KCNQ2: variants seen among roughly 807,000 people sequenced by gnomAD.
KCNQ2 encodes the protein potassium voltage-gated channel subfamily Q member 2, also known as potassium voltage-gated channel subfamily KQT member 2.
Under a neutral mutation model 84.8 loss-of-function variants are expected in KCNQ2, and 14 were observed. That is an observed-to-expected ratio of 0.17 (90% CI 0.11 to 0.26). The LOEUF is 0.26. Ranked by LOEUF, KCNQ2 falls within the 10% of genes least tolerant of loss-of-function variation. KCNQ2 has a pLI of 1.00. For missense variants in KCNQ2, 788 were observed against 1,254.0 expected, an observed-to-expected ratio of 0.63 and a Z score of 5.61; for synonymous variants, 599 against 554.1, an observed-to-expected ratio of 1.08 and a Z score of -1.14.
intron 1 of KCNQ2, among the ~76,000 whole-genome samples, chr20:63,456,409 C>A (rs2081798675): frequency 1.3e-5 from 2 of 152,176 alleles, no homozygotes; most frequent in South Asian, 2.1e-4. Flanking sequence ...TCCAGTCAGG[C>A]CCCTTCCCCA....
At chr20:63,415,257 C>CCAGCCA in intron 12 of KCNQ2, 131 bp from the exon 13 acceptor site, 1 of 851,892 alleles carries the variant, frequency 1.2e-6, no homozygotes, top group Non-Finnish European at 1.9e-6. Context: ...TGAAGAACAG[C>CCAGCCA]CAGCCACACG....
Position 63,446,479 on chromosome 20 carries a change from G to T in KCNQ2, c.387+268C>A. Among the ~76,000 whole-genome samples, 1 of 152,192 alleles carries T rather than the reference G, an allele frequency of 6.6e-6. No homozygotes were observed. Among genetic ancestry groups the T allele is most frequent in the Non-Finnish European group, 1.5e-5 (1 of 68,028 alleles). On this transcript the variant is annotated intron_variant, in intron 2 of 16. Transcript: ENST00000359125. This position sits in a 1 kb window ranked among gnomAD's most constrained non-coding sequence, Gnocchi z 5.5. ...GGGAAAGGGAGGGTGGCCCACCCAG[G>T]GTGGGGGCGATGGAGGCGGGGCTGT... is the stretch of plus-strand genomic sequence containing the variant.
chr20:63,431,193 G>A, intron 9 of KCNQ2, 147 bp downstream of exon 9: 2 of 945,340 alleles, frequency 2.1e-6, no homozygotes, highest in South Asian at 1.3e-5. Context: ...GCAGGGCAGG[G>A]GGCATAGGGA....
intron 1 of KCNQ2, chr20:63,447,265 G>C (rs919194694): frequency 4.2e-6 from 1 of 239,048 alleles, no homozygotes; most frequent in South Asian, 5.6e-5. Flanking sequence ...AGAAGGCACC[G>C]ATCAGCCTTC....
intron 15 of KCNQ2, chr20:63,411,650 C>T: frequency 2.0e-6 from 1 of 489,386 alleles, no homozygotes; most frequent in South Asian, 4.1e-5. Context: ...TTTTCAGGAA[C>T]AGAGAAAACC....
At position 63,472,524 on chromosome 20, in the gene KCNQ2, G is replaced by T; in HGVS notation, c.-61C>A. ...GCTCAGCGGGGGCGGAGCGCGGGGG[G>T]CGGCGCGGGCCCCAGCCCAGGCCCC... On this transcript the variant is annotated 5_prime_UTR_variant, in exon 1 of 17. Transcript: ENST00000359125. 7.5e-7 allele frequency: 1 copy of T among 1,326,596 alleles called. No individual in the cohort carries two copies. Among genetic ancestry groups the T allele is most frequent in the South Asian group, 1.9e-5 (1 of 51,544 alleles). The allele number at this position is 1,326,596 out of a possible 1,614,324, so 82.2% of individuals were successfully genotyped here. A position where few individuals can be genotyped will look rare whatever the true frequency, so the allele number is the denominator to read the frequency against.
At chr20:63,465,904 G>A (rs573220093) in intron 1 of KCNQ2, among the ~76,000 whole-genome samples, 19 of 152,324 alleles carry the variant, frequency 1.2e-4, no homozygotes, top group Non-Finnish European at 2.4e-4. Context: ...ATGGCTGGGC[G>A]CGTGTCGGTG....
chr20:63,455,059 A>G (rs1026781706), intron 1 of KCNQ2, among the ~76,000 whole-genome samples: 1 of 152,200 alleles, frequency 6.6e-6, no homozygotes, highest in South Asian at 2.1e-4. Flanking sequence ...CCAAGTCTGC[A>G]GGAAAAGAAA....
At position 63,415,083 on chromosome 20, in the gene KCNQ2, C is replaced by T. The variant is rs760615083; in HGVS notation, c.1345G>A (p.Gly449Ser). The stretch of plus-strand genomic sequence containing the variant: ...GACCCCTTCCCCTTGGCAGCCACGC[C>T]TCGGGGGCTGGAGAAGACACGATCT... ...LKDRVFSSPRGVAAKGKGSPQ... is the reference protein window; with the variant it reads ...LKDRVFSSPRSVAAKGKGSPQ... The change falls in exon 13 of 17, where the codon GGC becomes AGC. Residue 449 changes from glycine (G) to serine (S), a missense_variant. Physicochemically the swap from Gly to Ser is moderately conservative, Grantham distance 56. This residue lies in a region of KCNQ2 where 202 missense variants were observed against 239.4 expected (regional missense o/e 0.84). Transcript: ENST00000359125. 1 of 1,605,018 alleles carries T rather than the reference C, an allele frequency of 6.2e-7. No homozygotes were observed. Among genetic ancestry groups the T allele is most frequent in the Non-Finnish European group, 8.5e-7 (1 of 1,179,906 alleles).
chr20:63,448,510 C>A (rs913108248), intron 1 of KCNQ2: 1 of 152,324 alleles, frequency 6.6e-6, no homozygotes, highest in Non-Finnish European at 1.5e-5. Context: ...ACGACCGCCA[C>A]GGAGCCTGTG....
At chr20:63,459,014 T>G (rs2081880822) in intron 1 of KCNQ2, 1 of 152,192 alleles carries the variant, frequency 6.6e-6, no homozygotes, top group Admixed American at 6.5e-5. Flanking sequence ...CACAGCAGCC[T>G]CACGGCAGAC....
intron 1 of KCNQ2, among the ~76,000 whole-genome samples, chr20:63,456,614 C>G (rs887520829): frequency 6.6e-6 from 1 of 152,184 alleles, no homozygotes; most frequent in African/African-American, 2.4e-5. Context: ...TCCCACTCCA[C>G]GGGCTAAGCT....
At position 63,417,516 on chromosome 20, in the gene KCNQ2, C is replaced by T. The variant is rs192773395; in HGVS notation, c.1301+2103G>A. On this transcript the variant is annotated intron_variant, in intron 12 of 16. Transcript: ENST00000359125. Reference sequence around the variant, plus strand: ...GAGCCGGTCGGCCCAACTGTAGCTTCGGGGCTGCCCTTGGCTGGTCTCTGG... The same window carrying T: ...GAGCCGGTCGGCCCAACTGTAGCTTTGGGGCTGCCCTTGGCTGGTCTCTGG... Among the ~76,000 whole-genome samples the T allele has an allele frequency of 1.6e-3, 237 of 152,326 alleles. 2 individuals carry two copies. The highest frequency in any genetic ancestry group is 4.6e-3 in the Admixed American group (70 of 15,310).
chr20:63,434,963 C>A (rs950253382), intron 7 of KCNQ2, among the ~76,000 whole-genome samples: 8 of 152,202 alleles, frequency 5.3e-5, no homozygotes, highest in African/African-American at 1.7e-4. Flanking sequence ...GGTAGAATGG[C>A]CGGGTCACGT....
intron 5 of KCNQ2, 61 bp from the exon 6 acceptor site, chr20:63,439,769 G>T: frequency 7.7e-7 from 1 of 1,304,432 alleles, no homozygotes; most frequent in Non-Finnish European, 1.1e-6. Context: ...GGGCAGGCTG[G>T]ACGCCCGCTG....
intron 1 of KCNQ2, among the ~76,000 whole-genome samples, chr20:63,456,965 C>T (rs1236516558): frequency 6.6e-6 from 1 of 152,222 alleles, no homozygotes; most frequent in Non-Finnish European, 1.5e-5. Context: ...CAGGACTGCT[C>T]GAGCCTCCCT....
rs370762518 is a variant in KCNQ2, at chr20:63,450,866, G to A, written c.297-4029C>T. ...GCAAAAAAGAAGAAAACCTGGCCATGCATGGCGGCTCACGCATCAGCACTT... is the reference window on the plus strand; with the variant it reads ...GCAAAAAAGAAGAAAACCTGGCCATACATGGCGGCTCACGCATCAGCACTT... On this transcript the variant is annotated intron_variant, in intron 1 of 16. Transcript: ENST00000359125. Among the ~76,000 whole-genome samples, 12 of 152,212 alleles carry A rather than the reference G, an allele frequency of 7.9e-5. No individual in the cohort carries two copies. In the South Asian group the frequency reaches 2.5e-3, roughly 32 times the overall value.
intron 1 of KCNQ2, among the ~76,000 whole-genome samples, chr20:63,461,360 C>T (rs904571259): frequency 3.9e-5 from 6 of 152,184 alleles, no homozygotes; most frequent in African/African-American, 1.2e-4. Context: ...AGGAGAGAAG[C>T]CGGTCGTGTA....
At chr20:63,449,483 C>T (rs570027169) in intron 1 of KCNQ2, among the ~76,000 whole-genome samples, 2 of 152,170 alleles carry the variant, frequency 1.3e-5, no homozygotes, top group Non-Finnish European at 1.5e-5. Flanking sequence ...CCTCGATGTG[C>T]GGAGCTATTT....
Sources: gnomAD v4.1 joint callset for allele counts (sites outside exome capture counted in the v4.1 genomes callset) on GRCh38, gnomAD v4.1.1 for gene constraint, gnomAD v4.1.1 regional missense constraint, Gnocchi (gnomAD v3.1) non-coding constraint, MANE v1.5 for transcripts, NCBI Gene and HGNC (gene_info 2026-07-23, HGNC 2026-07-21) for gene names.